The following MNAT1 variants were observed in gnomAD, a reference collection of about 807,000 sequenced individuals.
MNAT1 encodes MNAT1 component of CDK activating kinase.
A neutral mutation model predicts 42.0 loss-of-function variants in MNAT1; 43 were observed. The observed-to-expected ratio is 1.02, with a 90% CI of 0.80 to 1.32. MNAT1 has a LOEUF of 1.32. Among genes scored for constraint, MNAT1 ranks in the 40% most tolerant of loss-of-function variants. The probability of loss-of-function intolerance (pLI) is 0.00; values close to 1 mark genes in which losing one functional copy is unlikely to be tolerated. For synonymous variants in MNAT1, 118 were observed against 120.0 expected, an observed-to-expected ratio of 0.98 and a Z score of 0.11; for missense variants, 306 against 350.4, an observed-to-expected ratio of 0.87 and a Z score of 1.01.
chr14:60,957,133 A>G (rs956107384), intron 7 of MNAT1, among the ~76,000 whole-genome samples: 2 of 151,978 alleles, frequency 1.3e-5, no homozygotes, highest in Non-Finnish European at 2.9e-5. Flanking sequence ...TGTTTCTTCT[A>G]TTCCTTTCTC....
chr14:60,937,958 T>C (rs2036040480), intron 7 of MNAT1, among the ~76,000 whole-genome samples: 1 of 152,208 alleles, frequency 6.6e-6, no homozygotes, highest in African/African-American at 2.4e-5. Flanking sequence ...CCCTTGTAGG[T>C]TGGATTCCTA....
chr14:60,821,509 C>T (rs1469310908), intron 6 of MNAT1, among the ~76,000 whole-genome samples: 1 of 152,050 alleles, frequency 6.6e-6, no homozygotes, highest in Non-Finnish European at 1.5e-5. Context: ...GAATGAAGAT[C>T]CTGAAGTACT....
chr14:60,924,623 A>G (rs1424541850), intron 7 of MNAT1, among the ~76,000 whole-genome samples: 2 of 40,116 alleles, frequency 5.0e-5, no homozygotes, highest in African/African-American at 1.0e-4. Context: ...CTACACAAAT[A>G]ACATCACCCT....
intron 7 of MNAT1, among the ~76,000 whole-genome samples, chr14:60,903,217 C>A (rs1162745590): frequency 1.3e-5 from 2 of 151,862 alleles, no homozygotes; most frequent in African/African-American, 4.8e-5. Context: ...TTCGTCTTCA[C>A]ATTTAATTTT....
chr14:60,967,121 T>C (rs1269994248), intron 7 of MNAT1, among the ~76,000 whole-genome samples: 2 of 152,196 alleles, frequency 1.3e-5, no homozygotes, highest in Non-Finnish European at 2.9e-5. Context: ...TCCAGGAACT[T>C]AGCTGCATCC....
chr14:60,806,419 G>C (rs1460298100), intron 3 of MNAT1, among the ~76,000 whole-genome samples: 1 of 152,222 alleles, frequency 6.6e-6, no homozygotes, highest in Non-Finnish European at 1.5e-5. Context: ...ATGGGAAAGT[G>C]TAGGGGCATA....
chr14:60,838,947 C>G (rs1283021035), intron 6 of MNAT1, among the ~76,000 whole-genome samples: 1 of 152,146 alleles, frequency 6.6e-6, no homozygotes, highest in African/African-American at 2.4e-5. Context: ...CCTCAGCCCC[C>G]TCTGGACTTT....
rs550497231 is a variant in MNAT1 at position 60,823,786 on chromosome 14, G to T, written c.687+4939G>T. 3.3e-5 allele frequency among the ~76,000 whole-genome samples: 5 copies of T among 152,224 alleles called. No individual in the cohort carries two copies. In the South Asian group the frequency reaches 1.0e-3, roughly 32 times the overall value. ...AGGCAGGAGAATTGCTTGAACTAGG[G>T]CGGCAGAGGTTGCAGTGAGCTGAGA... On this transcript the variant is annotated intron_variant, in intron 6 of 7. Transcript: ENST00000261245.
chr14:60,796,437 A>T, intron 2 of MNAT1, 68 bp downstream of exon 2: 1 of 1,432,362 alleles, frequency 7.0e-7, no homozygotes, highest in Non-Finnish European at 9.5e-7. Context: ...GTAATTGATT[A>T]TTATTTGCTC....
At chr14:60,825,939 G>A (rs888878308) in intron 6 of MNAT1, among the ~76,000 whole-genome samples, 4 of 152,174 alleles carry the variant, frequency 2.6e-5, no homozygotes, top group African/African-American at 7.2e-5. Flanking sequence ...AAGGAAGGAT[G>A]TATAAATATG....
At chr14:60,772,063 G>T (rs12147818) in intron 1 of MNAT1, among the ~76,000 whole-genome samples, 1 of 152,114 alleles carries the variant, frequency 6.6e-6, no homozygotes, top group African/African-American at 2.4e-5. Flanking sequence ...ATTAAAGAGC[G>T]CATTTTTAAG....
At chr14:60,863,607 A>G (rs2034144623) in intron 6 of MNAT1, among the ~76,000 whole-genome samples, 1 of 152,116 alleles carries the variant, frequency 6.6e-6, no homozygotes, top group Non-Finnish European at 1.5e-5. Flanking sequence ...GAATTAACTA[A>G]TTAGTGAAAG....
At chr14:60,739,745 A>G (rs1008035054) in intron 1 of MNAT1, among the ~76,000 whole-genome samples, 3 of 152,130 alleles carry the variant, frequency 2.0e-5, no homozygotes, top group Non-Finnish European at 4.4e-5. Context: ...AGAAAATGGT[A>G]ATTTTTTTTC....
At chr14:60,828,057 C>T (rs953635749) in intron 6 of MNAT1, among the ~76,000 whole-genome samples, 2 of 151,986 alleles carry the variant, frequency 1.3e-5, no homozygotes, top group Admixed American at 1.3e-4. Flanking sequence ...AAATGAATAG[C>T]TTCATGATTA....
At chr14:60,801,760 A>C (rs2032208395) in intron 3 of MNAT1, among the ~76,000 whole-genome samples, 2 of 152,210 alleles carry the variant, frequency 1.3e-5, no homozygotes, top group Non-Finnish European at 2.9e-5. Flanking sequence ...TTTGGAGAAC[A>C]GTATGGAAGT....
intron 7 of MNAT1, among the ~76,000 whole-genome samples, chr14:60,927,122 A>G (rs1339010030): frequency 6.6e-6 from 1 of 152,216 alleles, no homozygotes; most frequent in African/African-American, 2.4e-5. Context: ...CATGTTCAAA[A>G]GGAAAACTAT....
At chr14:60,868,073 A>T (rs1279677621) in intron 6 of MNAT1, among the ~76,000 whole-genome samples, 1 of 152,054 alleles carries the variant, frequency 6.6e-6, no homozygotes, top group African/African-American at 2.4e-5. Context: ...AATAAATTGA[A>T]AACAACTGAA....
chr14:60,739,137 TCCC>T, intron 1 of MNAT1, among the ~76,000 whole-genome samples: 1 of 151,978 alleles, frequency 6.6e-6, no homozygotes, highest in East Asian at 1.9e-4. Context: ...ACGTGGCTTC[TCCC>T]AGAACTAGTG....
intron 1 of MNAT1, among the ~76,000 whole-genome samples, chr14:60,737,857 T>C (rs889266566): frequency 6.6e-6 from 1 of 151,626 alleles, no homozygotes; most frequent in Non-Finnish European, 1.5e-5. Flanking sequence ...TATCCTTTTT[T>C]TTTTTTTTTG....
Sources: gnomAD v4.1 joint callset for allele counts (sites outside exome capture counted in the v4.1 genomes callset) on GRCh38, gnomAD v4.1.1 for gene constraint, MANE v1.5 for transcripts, NCBI Gene and HGNC (gene_info 2026-07-23, HGNC 2026-07-21) for gene names.